The following RBFOX2 variants were observed in gnomAD, a reference collection of about 807,000 sequenced individuals.
RBFOX2 encodes RNA binding fox-1 homolog 2.
In RBFOX2, 10 loss-of-function variants were observed where a neutral mutation model predicts 49.1. The ratio of observed to expected loss-of-function variants is 0.20; its 90% confidence interval spans 0.13 to 0.35. The LOEUF is 0.35. Among genes scored for constraint, RBFOX2 ranks in the 10% least tolerant of loss-of-function variants. The pLI is 1.00. For synonymous variants in RBFOX2, 183 were observed against 187.4 expected (o/e 0.98, Z 0.19); for missense variants, 323 against 486.9 (o/e 0.66, Z 3.17).
chr22:35,893,298 G>A (rs2047466656), intron 1 of RBFOX2, among the ~76,000 whole-genome samples: 1 of 152,064 alleles, frequency 6.6e-6, no homozygotes, highest in African/African-American at 2.4e-5. Flanking sequence ...GGGAAGCTCT[G>A]TTCCAGGGTT....
intron 1 of RBFOX2, among the ~76,000 whole-genome samples, chr22:35,870,438 C>T (rs1382954181): frequency 2.0e-5 from 3 of 152,158 alleles, no homozygotes; most frequent in African/African-American, 7.2e-5. Context: ...CACCACTGCA[C>T]TCCAGCCTGG....
intron 1 of RBFOX2, among the ~76,000 whole-genome samples, chr22:35,811,586 C>G (rs1230082442): frequency 6.6e-6 from 1 of 152,056 alleles, no homozygotes; most frequent in Non-Finnish European, 1.5e-5. Flanking sequence ...CTTATGGCAG[C>G]CCTTGCAAAC....
At chr22:35,927,343 G>A (rs1045390620) in intron 1 of RBFOX2, among the ~76,000 whole-genome samples, 4 of 152,174 alleles carry the variant, frequency 2.6e-5, no homozygotes, top group Non-Finnish European at 4.4e-5. Flanking sequence ...AGTGGCTCAC[G>A]CCTATAATCC....
intron 1 of RBFOX2, among the ~76,000 whole-genome samples, chr22:35,910,921 T>C (rs530155700): frequency 1.4e-4 from 22 of 152,350 alleles, no homozygotes; most frequent in African/African-American, 5.1e-4. Flanking sequence ...ATGACTTTAC[T>C]TTTAATAACA....
intron 1 of RBFOX2, among the ~76,000 whole-genome samples, 180 bp from the exon 3 acceptor site, chr22:35,810,184 GACAGACACACACACAC>G (rs1951583309): frequency 1.1e-5 from 1 of 89,584 alleles, no homozygotes; most frequent in Non-Finnish European, 2.1e-5. Flanking sequence ...TATGTATGTG[GACAGACACACACACAC>G]ACACACACAC....
chr22:35,915,802 T>C (rs951624135), intron 1 of RBFOX2, among the ~76,000 whole-genome samples: 2 of 152,022 alleles, frequency 1.3e-5, no homozygotes, highest in African/African-American at 4.8e-5. Context: ...CCCTAAACAA[T>C]CTGGAATTGC....
chr22:35,971,117 G>C (rs1450954959), intron 1 of RBFOX2, among the ~76,000 whole-genome samples: 1 of 152,116 alleles, frequency 6.6e-6, no homozygotes, highest in African/African-American at 2.4e-5. Flanking sequence ...CTGATATACT[G>C]CAGTAGGTGG....
At chr22:35,757,275 T>C (rs972848876) in intron 9 of RBFOX2, among the ~76,000 whole-genome samples, 1 of 151,296 alleles carries the variant, frequency 6.6e-6, no homozygotes, top group African/African-American at 2.4e-5. Flanking sequence ...TAAGTATAGA[T>C]TTCCAACCTT....
At chr22:35,754,387 G>A (rs916643616) in intron 9 of RBFOX2, among the ~76,000 whole-genome samples, 7 of 151,292 alleles carry the variant, frequency 4.6e-5, no homozygotes, top group Admixed American at 3.3e-4. Context: ...CACTGTGCCC[G>A]GCCCAAAGTA....
chr22:35,876,701 A>AACACATACACAC (rs1556293837), intron 1 of RBFOX2, among the ~76,000 whole-genome samples: 8 of 140,458 alleles, frequency 5.7e-5, no homozygotes, highest in African/African-American at 2.1e-4. Context: ...CATTAAAAGA[A>AACACATACACAC]ACACACACAC....
intron 4 of RBFOX2, among the ~76,000 whole-genome samples, chr22:35,769,535 TATA>T (rs1942058592): frequency 6.6e-6 from 1 of 152,192 alleles, no homozygotes; most frequent in South Asian, 2.1e-4. Context: ...ACTCTGCAGC[TATA>T]ATTTTACAAA....
chr22:35,977,761 T>TACATAC (rs2057263812), intron 1 of RBFOX2, among the ~76,000 whole-genome samples: 2 of 90,936 alleles, frequency 2.2e-5, no homozygotes, highest in African/African-American at 8.1e-5. Context: ...TATATATATA[T>TACATAC]ACATGCACAC....
chr22:36,021,322 AC>A (rs1569524126), intron 1 of RBFOX2, among the ~76,000 whole-genome samples: 1 of 152,056 alleles, frequency 6.6e-6, no homozygotes, highest in Non-Finnish European at 1.5e-5. Context: ...GTGCAGCCAC[AC>A]CAACATGGCA....
At chr22:35,763,212 A>T (rs894299656) in intron 6 of RBFOX2, among the ~76,000 whole-genome samples, 2 of 152,186 alleles carry the variant, frequency 1.3e-5, no homozygotes, top group South Asian at 2.1e-4. Flanking sequence ...ATAATATTTT[A>T]AAAAATAACC....
chr22:35,813,925 A>G (rs1952438476), intron 1 of RBFOX2, among the ~76,000 whole-genome samples: 1 of 152,220 alleles, frequency 6.6e-6, no homozygotes, highest in African/African-American at 2.4e-5. Flanking sequence ...GAAGTGGGGA[A>G]GCATTAGGAA....
At chr22:35,895,748 CT>C (rs1252371494) in intron 1 of RBFOX2, among the ~76,000 whole-genome samples, 1 of 152,130 alleles carries the variant, frequency 6.6e-6, no homozygotes, top group Non-Finnish European at 1.5e-5. Context: ...TCATTATGGC[CT>C]GGGGAAAGTT....
chr22:35,806,961 G>C (rs879433323), intron 2 of RBFOX2, among the ~76,000 whole-genome samples: 1 of 152,028 alleles, frequency 6.6e-6, no homozygotes. Flanking sequence ...ACACCACCAC[G>C]CCCGGCTAAT....
rs774592268 is a variant in RBFOX2 at position 35,749,909 on chromosome 22, C to A, written c.888-3348G>T. Among the ~76,000 whole-genome samples, 3 of 152,164 alleles carry A rather than the reference C, an allele frequency of 2.0e-5. No individual in the cohort carries two copies. Among genetic ancestry groups the A allele is most frequent in the Non-Finnish European group, 4.4e-5 (3 of 68,032 alleles). ...AGCTAAACAACCAGCAAAATCACCA[C>A]GTTCAGACTCGTATTGGCTAACTCT... On this transcript the variant is annotated intron_variant, in intron 9 of 11. Transcript: ENST00000405409. This position sits in a 1 kb window ranked among gnomAD's most constrained non-coding sequence, Gnocchi z 4.1.
chr22:35,934,987 C>T lies in RBFOX2; in HGVS notation c.-34+3860G>A, dbSNP rs563302677. Among the ~76,000 whole-genome samples the T allele has an allele frequency of 3.3e-5, 5 of 152,088 alleles. No homozygotes were observed. The South Asian group carries it at 8.3e-4, about 25-fold the overall frequency. The stretch of plus-strand genomic sequence containing the variant: ...TCTTGTTCTGTCACCCAGGCTGGAG[C>T]GCAGTGGCACAATCATAGCTCACCA... On this transcript the variant is annotated intron_variant, in intron 1 of 13. Transcript: ENST00000359369.
Sources: allele counts gnomAD v4.1 joint callset (sites outside exome capture counted in the v4.1 genomes callset), GRCh38; gene constraint gnomAD v4.1.1; non-coding constraint Gnocchi (gnomAD v3.1); transcripts MANE v1.5; gene names NCBI Gene and HGNC (gene_info 2026-07-23, HGNC 2026-07-21).